AZIN1: variants seen among roughly 807,000 people sequenced by gnomAD.
The protein encoded by AZIN1 is ornithine decarboxylase antizyme inhibitor.
In AZIN1, 12 loss-of-function variants were observed where a neutral mutation model predicts 47.4. The ratio of observed to expected loss-of-function variants is 0.25; its 90% CI spans 0.16 to 0.41. The LOEUF (loss-of-function observed/expected upper bound fraction) is 0.41, where lower values mean the gene tolerates loss of function less well. AZIN1 is among the 10% of genes least tolerant of loss of function. AZIN1 has a pLI of 1.00. For missense variants in AZIN1, 410 were observed against 532.4 expected (o/e 0.77, Z 2.26); for synonymous variants, 155 against 176.3 (o/e 0.88, Z 0.96).
At chr8:102,844,002 T>A (rs1234841154) in intron 2 of AZIN1, among the ~76,000 whole-genome samples, 2 of 152,242 alleles carry the variant, frequency 1.3e-5, no homozygotes, top group Non-Finnish European at 2.9e-5. Flanking sequence ...CAAGCCTATA[T>A]GGTCACCTTA....
Position 102,838,188 on chromosome 8 carries a change from GA to G in AZIN1, c.449+555del, listed in dbSNP as rs958355276. Among the ~76,000 whole-genome samples the G allele has an allele frequency of 2.0e-3, 266 of 136,292 alleles. 1 individual carries two copies. Among genetic ancestry groups the G allele is most frequent in the Middle Eastern group, 7.2e-3 (2 of 276 alleles). The allele number at this position is 136,292 out of a possible 152,430, so 89.4% of individuals were successfully genotyped here. On this transcript the variant is annotated intron_variant, in intron 5 of 11. Coordinates refer to ENST00000337198, the MANE Select transcript of AZIN1 (RefSeq NM_148174.4). ...TTTAAAAAGTAAACTTTCTAATCAA[GA>G]AAAAAAAAAAATTCTCTGGATACAT...
chr8:102,862,496 G>A (rs112575891), intron 1 of AZIN1, among the ~76,000 whole-genome samples: 27 of 152,096 alleles, frequency 1.8e-4, no homozygotes, highest in African/African-American at 6.0e-4. Context: ...ACTCCTTGGG[G>A]CTTATTTCTA....
At chr8:102,834,890 T>C (rs1437260262) in intron 6 of AZIN1, 143 bp from the exon 7 acceptor site, 2 of 585,612 alleles carry the variant, frequency 3.4e-6, no homozygotes, top group East Asian at 2.9e-5. Context: ...TTAGAAGCAT[T>C]AGCTTCTAAT....
intron 1 of AZIN1, among the ~76,000 whole-genome samples, chr8:102,860,599 C>T (rs1055017597): frequency 1.3e-5 from 2 of 152,046 alleles, no homozygotes; most frequent in Non-Finnish European, 2.9e-5. Flanking sequence ...GGAATTCAAG[C>T]TGGCCTTGAA....
chr8:102,840,485 C>T (rs2131225977), intron 3 of AZIN1, among the ~76,000 whole-genome samples: 1 of 152,300 alleles, frequency 6.6e-6, no homozygotes, highest in Non-Finnish European at 1.5e-5. Context: ...GCTGGGATTA[C>T]AGGTGTGAGC....
intron 2 of AZIN1, among the ~76,000 whole-genome samples, chr8:102,856,497 AAT>A (rs1813303235): frequency 6.6e-6 from 1 of 152,232 alleles, no homozygotes; most frequent in Non-Finnish European, 1.5e-5. Flanking sequence ...GCTCACTGAC[AAT>A]AGTCTCTCAA....
chr8:102,829,161 A>G, intron 11 of AZIN1, 111 bp downstream of exon 11: 1 of 918,842 alleles, frequency 1.1e-6, no homozygotes, highest in Admixed American at 2.4e-5. Flanking sequence ...CTGTATAGGC[A>G]ATACATGACT....
In AZIN1 at chr8:102,829,075, T is replaced by C. The variant is rs866703054; in HGVS notation, c.1235+197A>G. Among the ~76,000 whole-genome samples, 3 of 152,242 alleles carry C rather than the reference T, an allele frequency of 2.0e-5. No homozygotes were observed. The South Asian group carries it at 6.2e-4, about 31-fold the overall frequency. On this transcript the variant is annotated intron_variant, in intron 11 of 11. Coordinates refer to ENST00000337198, the MANE Select transcript of AZIN1 (RefSeq NM_148174.4). ...TCAATATACCACATGGCCTAGATTA[T>C]GTAGTAGGTTATGCCATCATACAAT...
intron 2 of AZIN1, among the ~76,000 whole-genome samples, chr8:102,847,907 T>C (rs142195881): frequency 0.011 from 1,656 of 152,302 alleles, 29 homozygotes; most frequent in African/African-American, 0.037. Flanking sequence ...TTCACATTCT[T>C]AAAAGAAGCC....
intron 6 of AZIN1, among the ~76,000 whole-genome samples, chr8:102,835,858 C>T (rs183896295): frequency 6.6e-6 from 1 of 152,068 alleles, no homozygotes; most frequent in African/African-American, 2.4e-5. Context: ...AATTAAAAGG[C>T]TAAAGCAAAG....
Position 102,843,537 on chromosome 8 carries a change from GAA to G in AZIN1, c.102+12_102+13del, listed in dbSNP as rs1427323897. The G allele has an allele frequency of 1.2e-6, 2 of 1,603,954 alleles. No individual in the cohort carries two copies. Among genetic ancestry groups the G allele is most frequent in the East Asian group, 4.5e-5 (2 of 44,804 alleles). On this transcript the variant is annotated intron_variant, in intron 3 of 11. Transcript: ENST00000337198. ...GGAAAATGACAAACACTGTATTTGA[GAA>G]ATGGCACTTACCAGGGTATGTTCAT...
chr8:102,829,572 A>G, intron 10 of AZIN1, 86 bp from the exon 11 acceptor site: 5 of 1,261,050 alleles, frequency 4.0e-6, no homozygotes, highest in Non-Finnish European at 5.6e-6. Flanking sequence ...TCACTGTCTC[A>G]GATCCAATGT....
chr8:102,839,405 G>T (rs1812031572), intron 4 of AZIN1, among the ~76,000 whole-genome samples: 1 of 152,108 alleles, frequency 6.6e-6, no homozygotes, highest in African/African-American at 2.4e-5. Context: ...TAAGAATGAG[G>T]AACAAATTAA....
chr8:102,856,247 A>G (rs1318865570), intron 2 of AZIN1, among the ~76,000 whole-genome samples: 1 of 152,144 alleles, frequency 6.6e-6, no homozygotes, highest in Non-Finnish European at 1.5e-5. Context: ...ATGCAAAATG[A>G]GAAGATTACA....
Position 102,829,284 on chromosome 8 carries a change from G to T in AZIN1, c.1223C>A (p.Ser408Ter). The change falls in exon 11 of 12, where the codon TCA (serine) becomes TAA (stop). Residue 408 changes from serine (S) to a stop codon, truncating the protein, a stop_gained. Transcript: ENST00000337198. LOFTEE classifies it high-confidence loss of function. ...AAAATCACCTTACCAATCACTGAAT[G>T]ACATCATGTAATAAATGGCTGGCCT... Reference protein sequence around the residue: ...FQRPAIYYMMSFSDWYEMQDA... With the variant: ...FQRPAIYYMM The T allele has an allele frequency of 2.5e-6, 4 of 1,612,784 alleles. No homozygotes were observed. In the South Asian group the frequency reaches 3.3e-5, roughly 13 times the overall value.
chr8:102,832,948 G>T (rs540354822), intron 9 of AZIN1, 108 bp downstream of exon 9: 15 of 1,047,826 alleles, frequency 1.4e-5, no homozygotes, highest in Non-Finnish European at 2.1e-5. Flanking sequence ...CCAGTTTTAA[G>T]ATTTTTAAAA....
In AZIN1 at chr8:102,836,379, T is replaced by C. The variant is rs1811824040; in HGVS notation, c.461A>G (p.His154Arg). Residue 154 changes from histidine (H) to arginine (R), a missense_variant, in exon 6 of 12, where the codon CAT becomes CGT. This residue lies in a region of AZIN1 where 237 missense variants were observed against 309.4 expected (regional missense o/e 0.77). Transcript: ENST00000337198. ...RNHPNAKVLL[H>R]IATEDNIGGE... ...TCCAATATTATCTTCTGTTGCAATA[T>C]GTAGTAAGACCCTAAGAGAAGGGGA... is the stretch of plus-strand genomic sequence containing the variant. 1 of 1,614,020 alleles carries C rather than the reference T, an allele frequency of 6.2e-7. No individual in the cohort carries two copies. The highest frequency in any genetic ancestry group is 8.5e-7 in the Non-Finnish European group (1 of 1,179,910).
At position 102,861,741 on chromosome 8, in the gene AZIN1, T is replaced by TA. The variant is rs999443507; in HGVS notation, c.-234+2065dup. On this transcript the variant is annotated intron_variant, in intron 1 of 11. Transcript: ENST00000337198. The stretch of plus-strand genomic sequence containing the variant: ...AATAGACGAAAATAATCTATGGGTT[T>TA]AAAAAAAAAAATCAAGATCAGCCGG... 3.7e-3 allele frequency among the ~76,000 whole-genome samples: 538 copies of TA among 147,344 alleles called. 7 individuals carry two copies. The highest frequency in any genetic ancestry group is 0.012 in the African/African-American group (467 of 40,452).
chr8:102,863,206 G>C (rs1004339832), intron 1 of AZIN1, among the ~76,000 whole-genome samples: 3 of 152,136 alleles, frequency 2.0e-5, no homozygotes, highest in Admixed American at 2.0e-4. Context: ...TCCTCCACCA[G>C]AGGGGGACCG....
Sources: allele counts gnomAD v4.1 joint callset (sites outside exome capture counted in the v4.1 genomes callset), GRCh38; gene constraint gnomAD v4.1.1; regional missense constraint gnomAD v4.1.1; transcripts MANE v1.5; gene names NCBI Gene and HGNC (gene_info 2026-07-23, HGNC 2026-07-21).